Variants in NCKAP5 observed in about 807,000 individuals in gnomAD.
NCKAP5 encodes nck-associated protein 5.
NCKAP5 carries 92 observed loss-of-function variants against 167.0 expected under a neutral mutation model. That is an observed-to-expected ratio of 0.55 (90% CI 0.47 to 0.66). NCKAP5 has a LOEUF of 0.66. Among genes scored for constraint, NCKAP5 ranks in the 30% least tolerant of loss-of-function variants. The probability of loss-of-function intolerance (pLI) is 0.00; values close to 1 mark genes in which losing one functional copy is unlikely to be tolerated. For missense variants in NCKAP5, 2,378 were observed against 2,315.0 expected, an observed-to-expected ratio of 1.03 and a Z score of -0.56; for synonymous variants, 891 against 877.4, an observed-to-expected ratio of 1.02 and a Z score of -0.27.
At chr2:132,895,145 C>T (rs557767652) in intron 8 of NCKAP5, among the ~76,000 whole-genome samples, 53 of 151,988 alleles carry the variant, frequency 3.5e-4, no homozygotes, top group African/African-American at 1.2e-3. Context: ...TCCTGGCTAA[C>T]ACGGTGAAAC....
At chr2:133,152,042 G>C (rs1028124985) in intron 5 of NCKAP5, among the ~76,000 whole-genome samples, 1 of 152,146 alleles carries the variant, frequency 6.6e-6, no homozygotes, top group Non-Finnish European at 1.5e-5. Flanking sequence ...CATTAGATAT[G>C]AAGGAAACCA....
chr2:132,846,433 T>C (rs1688669008), intron 11 of NCKAP5, among the ~76,000 whole-genome samples: 1 of 152,020 alleles, frequency 6.6e-6, no homozygotes, highest in African/African-American at 2.4e-5. Context: ...GCTTCCCGAG[T>C]AGCTGGGGTC....
At chr2:133,150,371 T>C (rs2083345214) in intron 5 of NCKAP5, among the ~76,000 whole-genome samples, 1 of 152,108 alleles carries the variant, frequency 6.6e-6, no homozygotes, top group Admixed American at 6.6e-5. Context: ...CAGTCCACAA[T>C]TTCTGGCATC....
chr2:132,845,949 CTTA>C (rs1473184911), intron 11 of NCKAP5, among the ~76,000 whole-genome samples: 1 of 151,996 alleles, frequency 6.6e-6, no homozygotes, highest in Admixed American at 6.6e-5. Flanking sequence ...CCATTCTTTT[CTTA>C]TTATGTTTTC....
chr2:133,376,321 T>A (rs1365088363), intron 3 of NCKAP5, among the ~76,000 whole-genome samples: 1 of 152,116 alleles, frequency 6.6e-6, no homozygotes, highest in African/African-American at 2.4e-5. Context: ...CAAACCCAAC[T>A]AAAACCATGT....
At chr2:132,851,349 C>A (rs1276886201) in intron 11 of NCKAP5, among the ~76,000 whole-genome samples, 1 of 152,176 alleles carries the variant, frequency 6.6e-6, no homozygotes, top group Non-Finnish European at 1.5e-5. Context: ...CCCAACTGTT[C>A]TAGTGCAGCC....
At chr2:133,604,788 G>A in the NCKAP5 span, among the ~76,000 whole-genome samples, 30 of 152,278 alleles carry the variant, frequency 2.0e-4, 1 homozygote, top group Admixed American at 2.0e-3. Flanking sequence ...GGCTAAGACC[G>A]GCTTGGTCTG....
chr2:132,702,279 A>G (rs943675514), intron 19 of NCKAP5, among the ~76,000 whole-genome samples: 9 of 152,198 alleles, frequency 5.9e-5, no homozygotes, highest in Admixed American at 5.9e-4. Flanking sequence ...GTGATGAGCA[A>G]CATCAGAGGA....
intron 9 of NCKAP5, among the ~76,000 whole-genome samples, chr2:132,870,951 G>A (rs1690767051): frequency 1.3e-5 from 2 of 151,986 alleles, no homozygotes; most frequent in South Asian, 4.1e-4. Flanking sequence ...ATATGCACAA[G>A]AAGGATTTTT....
At chr2:133,432,930 T>G (rs1690248029) in intron 3 of NCKAP5, among the ~76,000 whole-genome samples, 1 of 152,208 alleles carries the variant, frequency 6.6e-6, no homozygotes, top group African/African-American at 2.4e-5. Flanking sequence ...ATGAATATCT[T>G]TATTTTTGTG....
chr2:133,213,596 A>C, intron 5 of NCKAP5, 120 bp downstream of exon 5: 1 of 943,532 alleles, frequency 1.1e-6, no homozygotes, highest in Non-Finnish European at 1.6e-6. Flanking sequence ...CATTTGCCAA[A>C]ATATCATTAA....
At chr2:133,314,515 C>T (rs368163242) in intron 3 of NCKAP5, among the ~76,000 whole-genome samples, 3 of 152,170 alleles carry the variant, frequency 2.0e-5, no homozygotes, top group East Asian at 3.8e-4. Flanking sequence ...AAATCACTGG[C>T]TTATGGTAAC....
At chr2:133,326,203 C>A (rs1450864291) in intron 3 of NCKAP5, among the ~76,000 whole-genome samples, 1 of 152,168 alleles carries the variant, frequency 6.6e-6, no homozygotes, top group African/African-American at 2.4e-5. Context: ...GGCCTGTAAT[C>A]CCAGCACTTT....
intron 3 of NCKAP5, among the ~76,000 whole-genome samples, chr2:133,380,882 A>G (rs1334756057): frequency 6.6e-6 from 1 of 152,220 alleles, no homozygotes; most frequent in East Asian, 1.9e-4. Flanking sequence ...ACTTATTTTC[A>G]TCAGATTGTC....
chr2:133,115,386 CA>C (rs2082038646), intron 6 of NCKAP5, among the ~76,000 whole-genome samples: 1 of 152,086 alleles, frequency 6.6e-6, no homozygotes. Context: ...ATATGGATCC[CA>C]CTACAAGTGT....
intron 5 of NCKAP5, among the ~76,000 whole-genome samples, chr2:133,208,322 A>G (rs2086053981): frequency 6.6e-6 from 1 of 152,150 alleles, no homozygotes; most frequent in Non-Finnish European, 1.5e-5. Context: ...TGGGCAACAG[A>G]GCGAGACCCT....
At chr2:132,916,931 T>A (rs1694928455) in intron 8 of NCKAP5, among the ~76,000 whole-genome samples, 1 of 152,184 alleles carries the variant, frequency 6.6e-6, no homozygotes, top group South Asian at 2.1e-4. Flanking sequence ...CTACTTTGAG[T>A]CTTGATTCTC....
chr2:132,718,441 G>A (rs889311917), intron 19 of NCKAP5, among the ~76,000 whole-genome samples: 20 of 152,144 alleles, frequency 1.3e-4, no homozygotes, highest in African/African-American at 4.8e-4. Flanking sequence ...TCCCAATTTG[G>A]GACAGAGACT....
Position 132,827,597 on chromosome 2 carries a change from T to A in NCKAP5, c.808-30868A>T, listed in dbSNP as rs79185323. On this transcript the variant is annotated intron_variant, in intron 11 of 19. Transcript: ENST00000409261. ...AGCATTATTAGCCACATTTTACAGA[T>A]GAGGAAATGGTAGTAGAGGGATAAA... Among the ~76,000 whole-genome samples, 57 of 152,240 alleles carry A rather than the reference T, an allele frequency of 3.7e-4. No individual in the cohort carries two copies. The East Asian group carries it at 0.011, about 29-fold the overall frequency.
Sources: allele counts gnomAD v4.1 joint callset (sites outside exome capture counted in the v4.1 genomes callset), GRCh38; gene constraint gnomAD v4.1.1; transcripts MANE v1.5; gene names NCBI Gene and HGNC (gene_info 2026-07-23, HGNC 2026-07-21).